Variants in HDAC4 observed in about 807,000 individuals in gnomAD.
HDAC4 encodes the protein histone deacetylase A.
A neutral mutation model predicts 135.1 loss-of-function variants in HDAC4; 16 were observed. The observed-to-expected ratio is 0.12, with a 90% CI of 0.08 to 0.18. HDAC4 has a LOEUF of 0.18. Among genes scored for constraint, HDAC4 ranks in the 10% least tolerant of loss-of-function variants. The probability of loss-of-function intolerance (pLI) is 1.00; values close to 1 mark genes in which losing one functional copy is unlikely to be tolerated. For missense variants in HDAC4, 1,143 were observed against 1,511.8 expected, an observed-to-expected ratio of 0.76 and a Z score of 4.05; for synonymous variants, 685 against 653.4, an observed-to-expected ratio of 1.05 and a Z score of -0.74.
chr2:239,267,412 T>C (rs1336393796), intron 2 of HDAC4, among the ~76,000 whole-genome samples: 1 of 152,186 alleles, frequency 6.6e-6, no homozygotes, highest in Non-Finnish European at 1.5e-5. Context: ...CCAGGGCCCA[T>C]GGCACCACTC....
chr2:239,168,639 C>T (rs368914098), intron 5 of HDAC4, among the ~76,000 whole-genome samples: 2 of 152,300 alleles, frequency 1.3e-5, no homozygotes, highest in Admixed American at 6.5e-5. Context: ...TGCTTCGTGT[C>T]CCCCGCGCCG....
rs1446749548 is a variant in HDAC4, at chr2:239,240,657, C to T, written c.23-3993G>A. 1.3e-5 allele frequency among the ~76,000 whole-genome samples: 2 copies of T among 152,172 alleles called. No homozygotes were observed. Among genetic ancestry groups the T allele is most frequent in the African/African-American group, 4.8e-5 (2 of 41,434 alleles). Reference sequence around the variant, plus strand: ...TGAGTGTCCTCAAACAGCATTTAATCAGCGCTGGGGCTGCAGACCAGATGC... The same window carrying T: ...TGAGTGTCCTCAAACAGCATTTAATTAGCGCTGGGGCTGCAGACCAGATGC... On this transcript the variant is annotated intron_variant, in intron 2 of 26. Transcript: ENST00000543185. The surrounding 1 kb of genome is among the most constrained non-coding windows in gnomAD (Gnocchi z 4.5).
chr2:239,291,668 T>C (rs1270711805), intron 2 of HDAC4, among the ~76,000 whole-genome samples: 1 of 152,224 alleles, frequency 6.6e-6, no homozygotes, highest in East Asian at 1.9e-4. Context: ...GACAATTATC[T>C]TCCTAATTTA....
intron 1 of HDAC4, among the ~76,000 whole-genome samples, chr2:239,384,763 G>A (rs1039086503): frequency 1.1e-4 from 16 of 152,188 alleles, no homozygotes; most frequent in African/African-American, 3.6e-4. Flanking sequence ...TCTGTCCCCT[G>A]CTTCTGATCC....
intron 2 of HDAC4, among the ~76,000 whole-genome samples, chr2:239,256,259 G>A (rs188659908): frequency 1.1e-4 from 17 of 152,338 alleles, no homozygotes; most frequent in Admixed American, 7.2e-4. Flanking sequence ...TTTAAGGCAG[G>A]AGAGAAACAA....
At chr2:239,088,865 T>C (rs1357690936) in intron 18 of HDAC4, among the ~76,000 whole-genome samples, 2 of 152,184 alleles carry the variant, frequency 1.3e-5, no homozygotes, top group Non-Finnish European at 2.9e-5. Flanking sequence ...ATGGGGGTGA[T>C]ATTAATGGTT....
intron 3 of HDAC4, among the ~76,000 whole-genome samples, chr2:239,210,892 A>G (rs1015337684): frequency 2.0e-5 from 3 of 152,204 alleles, no homozygotes; most frequent in Non-Finnish European, 4.4e-5. Context: ...ACAAGGACGA[A>G]AAAGCACTAT....
chr2:239,124,495 C>T (rs568974084), intron 12 of HDAC4, among the ~76,000 whole-genome samples: 8 of 152,348 alleles, frequency 5.3e-5, no homozygotes, highest in African/African-American at 1.7e-4. Flanking sequence ...GACATTCCGG[C>T]GTGTGGCCAC....
chr2:239,273,559 C>T (rs917144668), intron 2 of HDAC4, among the ~76,000 whole-genome samples: 1 of 152,172 alleles, frequency 6.6e-6, no homozygotes, highest in Non-Finnish European at 1.5e-5. Context: ...TGAAGCTAGA[C>T]AGCCACCTTC....
intron 2 of HDAC4, among the ~76,000 whole-genome samples, chr2:239,342,377 G>T (rs1692347872): frequency 1.3e-5 from 2 of 151,966 alleles, no homozygotes; most frequent in Admixed American, 1.3e-4. Flanking sequence ...ATACAGAAAA[G>T]AAAAAACTCC....
intron 20 of HDAC4, among the ~76,000 whole-genome samples, chr2:239,082,880 G>A (rs2035486588): frequency 6.6e-6 from 1 of 152,256 alleles, no homozygotes; most frequent in Admixed American, 6.5e-5. Flanking sequence ...CACAGGGCAG[G>A]TGGTCACCAG....
chr2:239,393,656 G>A (rs1394924614), intron 1 of HDAC4, among the ~76,000 whole-genome samples: 3 of 116,222 alleles, frequency 2.6e-5, no homozygotes, highest in South Asian at 6.1e-4. Flanking sequence ...CCTGCACCAC[G>A]GCTCTCCCTA....
At chr2:239,300,405 A>G (rs2052182735) in intron 2 of HDAC4, among the ~76,000 whole-genome samples, 1 of 152,178 alleles carries the variant, frequency 6.6e-6, no homozygotes, top group African/African-American at 2.4e-5. Flanking sequence ...CCATGTGTTG[A>G]TGTGGCTGCT....
chr2:239,235,544 T>G (rs1360020999), intron 3 of HDAC4, among the ~76,000 whole-genome samples: 1 of 152,184 alleles, frequency 6.6e-6, no homozygotes. Context: ...AGGACGCATG[T>G]GGAACGGAAC....
chr2:239,238,448 C>T (rs1206249298), intron 2 of HDAC4, among the ~76,000 whole-genome samples: 1 of 152,148 alleles, frequency 6.6e-6, no homozygotes, highest in Admixed American at 6.5e-5. Context: ...GGGGGGACCA[C>T]CCTGGTCAGG....
At chr2:239,229,215 A>T (rs1048199199) in intron 3 of HDAC4, among the ~76,000 whole-genome samples, 1 of 152,370 alleles carries the variant, frequency 6.6e-6, no homozygotes, top group East Asian at 1.9e-4. Flanking sequence ...CTAATTGCCA[A>T]AAGTGACTCT....
chr2:239,192,126 T>C (rs1266697601), intron 3 of HDAC4, among the ~76,000 whole-genome samples: 1 of 152,150 alleles, frequency 6.6e-6, no homozygotes, highest in Non-Finnish European at 1.5e-5. Context: ...GCACATAAAC[T>C]GCGTGTTCAA....
chr2:239,117,543 G>C (rs1318091553), intron 12 of HDAC4, among the ~76,000 whole-genome samples: 1 of 142,730 alleles, frequency 7.0e-6, no homozygotes, highest in Admixed American at 7.2e-5. Flanking sequence ...AACAAGAGGG[G>C]AGAGAGGGAT....
chr2:239,058,905 G>A (rs937503963), intron 24 of HDAC4, among the ~76,000 whole-genome samples: 6 of 152,196 alleles, frequency 3.9e-5, no homozygotes, highest in African/African-American at 1.4e-4. Flanking sequence ...CAGACGGAGA[G>A]GACACATTAT....
Sources: gnomAD v4.1 joint callset for allele counts (sites outside exome capture counted in the v4.1 genomes callset) on GRCh38, gnomAD v4.1.1 for gene constraint, Gnocchi (gnomAD v3.1) non-coding constraint, MANE v1.5 for transcripts, NCBI Gene and HGNC (gene_info 2026-07-23, HGNC 2026-07-21) for gene names.